Variants in SLC35F3 observed in about 807,000 individuals in gnomAD.
SLC35F3 encodes the protein putative thiamine transporter SLC35F3.
A neutral mutation model predicts 49.9 loss-of-function variants in SLC35F3; 25 were observed. That is an observed-to-expected ratio of 0.50 (90% CI 0.37 to 0.70). The LOEUF (loss-of-function observed/expected upper bound fraction) is 0.70. Ranked by LOEUF, SLC35F3 falls within the 30% of genes least tolerant of loss-of-function variation. The pLI, the probability that SLC35F3 is intolerant of heterozygous loss-of-function variation, is 0.00. For synonymous variants in SLC35F3, 275 were observed against 265.4 expected (o/e 1.04, Z -0.35); for missense variants, 525 against 639.8 (o/e 0.82, Z 1.94).
intron 3 of SLC35F3, among the ~76,000 whole-genome samples, chr1:234,296,713 A>G (rs2025007): frequency 0.76 from 115,169 of 151,628 alleles, 44,085 homozygotes; most frequent in Admixed American, 0.8. Context: ...TACCTCTGCT[A>G]TTTGACTGAG....
At chr1:233,908,645 G>T (rs992627271) in intron 2 of SLC35F3, among the ~76,000 whole-genome samples, 2 of 147,356 alleles carry the variant, frequency 1.4e-5, no homozygotes, top group East Asian at 4.1e-4. Context: ...GGGTTCAAGC[G>T]ATTCTCCTGC....
At chr1:234,189,724 G>T (rs1666704000) in intron 2 of SLC35F3, among the ~76,000 whole-genome samples, 1 of 152,016 alleles carries the variant, frequency 6.6e-6, no homozygotes, top group African/African-American at 2.4e-5. Context: ...AAGAACACCT[G>T]GGAAATTCAT....
At chr1:233,988,815 T>TA (rs1225200039) in intron 2 of SLC35F3, among the ~76,000 whole-genome samples, 1 of 152,218 alleles carries the variant, frequency 6.6e-6, no homozygotes, top group Non-Finnish European at 1.5e-5. Context: ...TGCCAAGCCT[T>TA]ACCAGATGTT....
intron 2 of SLC35F3, among the ~76,000 whole-genome samples, chr1:234,165,406 T>A (rs1666299475): frequency 6.6e-6 from 1 of 152,184 alleles, no homozygotes; most frequent in Non-Finnish European, 1.5e-5. Flanking sequence ...AAAAATCAAA[T>A]TTTTTGTAGA....
chr1:234,004,740 G>GA (rs1426351888), intron 2 of SLC35F3, among the ~76,000 whole-genome samples: 1 of 152,020 alleles, frequency 6.6e-6, no homozygotes, highest in Non-Finnish European at 1.5e-5. Context: ...TTTCTGAAGG[G>GA]AAAATAGCTT....
At chr1:234,108,762 A>T (rs186697005) in intron 2 of SLC35F3, among the ~76,000 whole-genome samples, 2,033 of 77,976 alleles carry the variant, frequency 0.026, 98 homozygotes, top group African/African-American at 0.13. Context: ...GATATATATA[A>T]ATATATATAT....
intron 3 of SLC35F3, among the ~76,000 whole-genome samples, chr1:234,302,512 T>C (rs1215824311): frequency 2.6e-5 from 4 of 151,944 alleles, no homozygotes; most frequent in Admixed American, 6.6e-5. Context: ...AGTGTGGCTA[T>C]GAAAAAGGGG....
At chr1:234,315,297 C>T (rs966405487) in intron 4 of SLC35F3, among the ~76,000 whole-genome samples, 1 of 152,222 alleles carries the variant, frequency 6.6e-6, no homozygotes, top group African/African-American at 2.4e-5. Context: ...AGACATACTG[C>T]ATGAGATTAA....
intron 3 of SLC35F3, among the ~76,000 whole-genome samples, chr1:234,301,502 T>A (rs535986130): frequency 6.6e-6 from 1 of 152,322 alleles, no homozygotes; most frequent in East Asian, 1.9e-4. Flanking sequence ...TACCATCTCA[T>A]GCCAGTCAGA....
At chr1:234,017,019 T>C (rs1663811171) in intron 2 of SLC35F3, among the ~76,000 whole-genome samples, 2 of 152,196 alleles carry the variant, frequency 1.3e-5, no homozygotes, top group Non-Finnish European at 2.9e-5. Flanking sequence ...CCATTAAACA[T>C]CATTCCTTAA....
At chr1:234,272,796 T>C (rs1668128628) in intron 3 of SLC35F3, among the ~76,000 whole-genome samples, 1 of 152,174 alleles carries the variant, frequency 6.6e-6, no homozygotes. Context: ...CCACATGTCC[T>C]CTTGGTGGGT....
At chr1:234,265,054 C>T (rs1667960088) in intron 3 of SLC35F3, among the ~76,000 whole-genome samples, 1 of 152,168 alleles carries the variant, frequency 6.6e-6, no homozygotes, top group African/African-American at 2.4e-5. Flanking sequence ...TACGCTTGCT[C>T]GCTAGGTGAG....
rs869035917 is a variant in SLC35F3 at position 233,955,878 on chromosome 1, C to CTTTT, written c.283+50144_283+50147dup. Among the ~76,000 whole-genome samples, 12 of 48,104 alleles carry CTTTT rather than the reference C, an allele frequency of 2.5e-4. 2 individuals carry two copies. The highest frequency in any genetic ancestry group is 7.9e-4 in the African/African-American group (8 of 10,118). The allele number at this position is 48,104 out of a possible 152,430, so 31.6% of individuals were successfully genotyped here. A position where few individuals can be genotyped will look rare whatever the true frequency, so the allele number is the denominator to read the frequency against. ...GAGTCAGCAGAGGAGGTGTGGGTAT[C>CTTTT]TTTTTTTTTTTTTTTTTTTTTTTTT... On this transcript the variant is annotated intron_variant, in intron 2 of 7. Coordinates refer to ENST00000366618, the MANE Select transcript of SLC35F3 (RefSeq NM_173508.4).
intron 2 of SLC35F3, among the ~76,000 whole-genome samples, chr1:233,937,006 C>T (rs893807420): frequency 2.0e-5 from 3 of 152,160 alleles, no homozygotes; most frequent in Admixed American, 2.0e-4. Flanking sequence ...TGTCTTCTTA[C>T]AGGCTCTGAC....
intron 2 of SLC35F3, among the ~76,000 whole-genome samples, chr1:234,094,576 A>G (rs916136780): frequency 1.3e-5 from 2 of 152,212 alleles, no homozygotes; most frequent in Non-Finnish European, 2.9e-5. Flanking sequence ...TTGATGGGCC[A>G]TTATTAGGTT....
At chr1:234,222,887 C>A (rs1022435771) in intron 2 of SLC35F3, among the ~76,000 whole-genome samples, 2 of 152,166 alleles carry the variant, frequency 1.3e-5, no homozygotes, top group African/African-American at 2.4e-5. Context: ...ACCAGGTAAA[C>A]CAACTGGTGT....
intron 2 of SLC35F3, among the ~76,000 whole-genome samples, chr1:234,161,242 A>G (rs1352364100): frequency 2.0e-5 from 3 of 152,218 alleles, no homozygotes; most frequent in Admixed American, 6.5e-5. Flanking sequence ...CTTCCGAGGT[A>G]GGCAGTATTA....
chr1:234,285,730 C>T (rs1245379100), intron 3 of SLC35F3, among the ~76,000 whole-genome samples: 4 of 152,210 alleles, frequency 2.6e-5, no homozygotes, highest in Admixed American at 2.6e-4. Context: ...GAGGATACAT[C>T]ATGTCAATCA....
chr1:233,922,882 C>T (rs1004568927), intron 2 of SLC35F3, among the ~76,000 whole-genome samples: 2 of 152,132 alleles, frequency 1.3e-5, no homozygotes, highest in African/African-American at 2.4e-5. Context: ...CCAGTTTTCC[C>T]AGCACCATTT....
Sources: allele counts gnomAD v4.1 joint callset (sites outside exome capture counted in the v4.1 genomes callset), GRCh38; gene constraint gnomAD v4.1.1; transcripts MANE v1.5; gene names NCBI Gene and HGNC (gene_info 2026-07-23, HGNC 2026-07-21).